Variants in FHIT observed in about 807,000 individuals in gnomAD.
FHIT encodes the protein bis(5'-adenosyl)-triphosphatase.
In FHIT, 19 loss-of-function variants were observed where a neutral mutation model predicts 17.9. That is an observed-to-expected ratio of 1.06 (90% CI 0.74 to 1.56). The LOEUF (loss-of-function observed/expected upper bound fraction) is 1.56. Among genes scored for constraint, FHIT ranks in the 40% most tolerant of loss-of-function variants. The pLI, the probability that FHIT is intolerant of heterozygous loss-of-function variation, is 0.00. For synonymous variants in FHIT, 81 were observed against 69.7 expected (o/e 1.16, Z -0.81); for missense variants, 248 against 189.2 (o/e 1.31, Z -1.82).
At chr3:61,110,505 A>C (rs1006987364) in intron 2 of FHIT, among the ~76,000 whole-genome samples, 9 of 151,952 alleles carry the variant, frequency 5.9e-5, no homozygotes, top group African/African-American at 2.2e-4. Flanking sequence ...TTCTAACCCA[A>C]TATCCTTCCT....
chr3:60,043,949 C>A (rs1240124880), intron 5 of FHIT, among the ~76,000 whole-genome samples: 1 of 152,162 alleles, frequency 6.6e-6, no homozygotes, highest in Non-Finnish European at 1.5e-5. Flanking sequence ...AAACGACAGG[C>A]CAACGTGGTG....
chr3:60,529,355 T>C (rs2035686926), intron 5 of FHIT, among the ~76,000 whole-genome samples: 1 of 152,134 alleles, frequency 6.6e-6, no homozygotes, highest in African/African-American at 2.4e-5. Context: ...TTGACTGTTG[T>C]AAAAAAATCC....
intron 8 of FHIT, among the ~76,000 whole-genome samples, chr3:59,885,410 A>G (rs1703579199): frequency 6.6e-6 from 1 of 151,230 alleles, no homozygotes; most frequent in South Asian, 2.1e-4. Context: ...ACAGCCCTAA[A>G]GGGCTTCTAG....
intron 8 of FHIT, among the ~76,000 whole-genome samples, chr3:59,870,672 C>G (rs545520783): frequency 1.4e-3 from 217 of 152,208 alleles, no homozygotes; most frequent in African/African-American, 5.1e-3. Context: ...GTTAAGGTAC[C>G]ATGCATGTGT....
intron 3 of FHIT, among the ~76,000 whole-genome samples, chr3:60,940,869 A>G (rs1348064198): frequency 2.6e-5 from 4 of 152,204 alleles, no homozygotes; most frequent in African/African-American, 9.7e-5. Context: ...AATACAATAA[A>G]AATTGCACTT....
At chr3:60,000,662 G>C (rs966605988) in intron 7 of FHIT, among the ~76,000 whole-genome samples, 1 of 143,012 alleles carries the variant, frequency 7.0e-6, no homozygotes, top group African/African-American at 2.7e-5. Flanking sequence ...AATCCTTCAA[G>C]TCTAGAAAAA....
intron 2 of FHIT, among the ~76,000 whole-genome samples, chr3:61,173,900 T>C (rs1345453318): frequency 6.6e-6 from 1 of 152,258 alleles, no homozygotes; most frequent in African/African-American, 2.4e-5. Context: ...ATCCTGTTTG[T>C]TATCACTCTA....
At chr3:60,341,593 CTT>C (rs927065246) in intron 5 of FHIT, among the ~76,000 whole-genome samples, 2 of 151,956 alleles carry the variant, frequency 1.3e-5, no homozygotes, top group Non-Finnish European at 2.9e-5. Flanking sequence ...TGCTCTCCCT[CTT>C]GATTTTTTTT....
chr3:60,625,683 G>A (rs963244165), intron 4 of FHIT, among the ~76,000 whole-genome samples: 2 of 152,100 alleles, frequency 1.3e-5, no homozygotes, highest in Non-Finnish European at 2.9e-5. Flanking sequence ...ATCCCATTCT[G>A]TGGAGTTTCT....
chr3:60,660,740 T>TTTTTTTTTTTTTTTTTTTTC, intron 4 of FHIT, among the ~76,000 whole-genome samples: 1 of 138,488 alleles, frequency 7.2e-6, no homozygotes, highest in Non-Finnish European at 1.6e-5. Context: ...TTTTTTTTTT[T>TTTTTTTTTTTTTTTTTTTTC]TTTTTTTTTT....
intron 3 of FHIT, among the ~76,000 whole-genome samples, chr3:60,999,107 A>T (rs1431433651): frequency 6.6e-6 from 1 of 152,192 alleles, no homozygotes; most frequent in African/African-American, 2.4e-5. Flanking sequence ...GAGTAAGGAC[A>T]CTGCCACAGC....
chr3:60,442,453 G>C (rs921456896), intron 5 of FHIT, among the ~76,000 whole-genome samples: 1 of 152,070 alleles, frequency 6.6e-6, no homozygotes, highest in Non-Finnish European at 1.5e-5. Context: ...TTTTGTATAA[G>C]GTGTAAGGAA....
chr3:59,755,441 A>T (rs1226984184), intron 8 of FHIT, among the ~76,000 whole-genome samples: 1 of 152,204 alleles, frequency 6.6e-6, no homozygotes, highest in Non-Finnish European at 1.5e-5. Context: ...GGTGGCTGCA[A>T]CTTCTTGCCT....
intron 8 of FHIT, among the ~76,000 whole-genome samples, chr3:59,919,872 A>C (rs1385814): frequency 0.041 from 6,304 of 152,322 alleles, 434 homozygotes; most frequent in African/African-American, 0.14. Context: ...ATGTACATTA[A>C]GTTCTATTCC....
At chr3:60,304,521 A>G (rs757963420) in intron 5 of FHIT, among the ~76,000 whole-genome samples, 7 of 152,052 alleles carry the variant, frequency 4.6e-5, no homozygotes, top group Non-Finnish European at 1.0e-4. Context: ...CTCCTATTTT[A>G]CAGATGAGAC....
At chr3:60,986,836 T>C (rs375575763) in intron 3 of FHIT, among the ~76,000 whole-genome samples, 29 of 152,310 alleles carry the variant, frequency 1.9e-4, no homozygotes, top group African/African-American at 6.7e-4. Flanking sequence ...CTGTGGGCAC[T>C]TACTCATTAA....
intron 8 of FHIT, among the ~76,000 whole-genome samples, chr3:59,851,514 G>C (rs1701934522): frequency 6.6e-6 from 1 of 152,178 alleles, no homozygotes; most frequent in African/African-American, 2.4e-5. Flanking sequence ...TGGAGTGGTA[G>C]ACTTGAGCTT....
intron 5 of FHIT, among the ~76,000 whole-genome samples, chr3:60,109,941 C>A (rs1388535175): frequency 6.6e-6 from 1 of 152,130 alleles, no homozygotes; most frequent in Non-Finnish European, 1.5e-5. Context: ...CATTTTTCAG[C>A]TGAGTGCTTT....
intron 3 of FHIT, among the ~76,000 whole-genome samples, chr3:60,983,488 T>A (rs1176153359): frequency 2.0e-5 from 3 of 152,112 alleles, no homozygotes; most frequent in Non-Finnish European, 2.9e-5. Flanking sequence ...ACGTGGGAGC[T>A]GAGCCATCTA....
Sources: gnomAD v4.1 joint callset for allele counts (sites outside exome capture counted in the v4.1 genomes callset) on GRCh38, gnomAD v4.1.1 for gene constraint, MANE v1.5 for transcripts, NCBI Gene and HGNC (gene_info 2026-07-23, HGNC 2026-07-21) for gene names.